Variants in KCNQ5 observed in about 807,000 individuals in gnomAD.
The protein encoded by KCNQ5 is potassium voltage-gated channel subfamily Q member 5.
In KCNQ5, 30 loss-of-function variants were observed where a neutral mutation model predicts 98.2. The observed-to-expected ratio is 0.31, with a 90% CI of 0.23 to 0.41. The LOEUF is 0.41. Among genes scored for constraint, KCNQ5 ranks in the 10% least tolerant of loss-of-function variants. KCNQ5 has a pLI of 1.00. For missense variants in KCNQ5, 835 were observed against 1,182.5 expected (o/e 0.71, Z 4.31); for synonymous variants, 458 against 449.4 (o/e 1.02, Z -0.24).
chr6:73,005,075 A>T (rs924570589), intron 2 of KCNQ5, among the ~76,000 whole-genome samples: 12 of 152,174 alleles, frequency 7.9e-5, no homozygotes, highest in Non-Finnish European at 1.8e-4. Context: ...TTTCTGTGCA[A>T]TATCAGGGAG....
Position 72,772,781 on chromosome 6 carries a change from G to C in KCNQ5, c.398+150194G>C, listed in dbSNP as rs368380167. Among the ~76,000 whole-genome samples the C allele has an allele frequency of 9.9e-5, 15 of 152,210 alleles. No homozygotes were observed. The East Asian group carries it at 2.7e-3, about 27-fold the overall frequency. ...AAATGTCACTGAACTGCAATGTTCA[G>C]AAAAAATAACAGCACCACCCTTTCT... On this transcript the variant is annotated intron_variant, in intron 1 of 13. Coordinates refer to ENST00000370398, the MANE Select transcript of KCNQ5 (RefSeq NM_019842.4).
At position 72,837,910 on chromosome 6, in the gene KCNQ5, A is replaced by G. The variant is rs973402591; in HGVS notation, c.399-165998A>G. On this transcript the variant is annotated intron_variant, in intron 1 of 13. Transcript: ENST00000370398. The stretch of plus-strand genomic sequence containing the variant: ...TCTGGCTAAATAGAAACCTGATAGT[A>G]TATGTTATGGACACCAAGTTATTTT... Among the ~76,000 whole-genome samples, 9 of 152,076 alleles carry G rather than the reference A, an allele frequency of 5.9e-5. 1 individual carries two copies. In the South Asian group the frequency reaches 8.3e-4, roughly 14 times the overall value.
At position 73,195,288 on chromosome 6, in the gene KCNQ5, G is replaced by A; in HGVS notation, c.2673G>A (p.Gln891=). The change falls in exon 14 of 14, where the codon CAG becomes CAA. Residue 891 remains glutamine, a synonymous_variant. Coordinates refer to ENST00000370398, the MANE Select transcript of KCNQ5 (RefSeq NM_019842.4). ...TETDTFDAAP[Q]PAREAAFASD... is the part of the protein sequence containing the mutation. ...CAGACACTTTTGATGCCGCACCGCA[G>A]CCTGCCAGGGAAGCTGCCTTTGCAT... is the stretch of plus-strand genomic sequence containing the variant. The A allele has an allele frequency of 6.2e-7, 1 of 1,614,204 alleles. No individual in the cohort carries two copies. The highest frequency in any genetic ancestry group is 8.5e-7 in the Non-Finnish European group (1 of 1,180,042).
At chr6:72,964,420 C>G (rs892264048) in intron 1 of KCNQ5, among the ~76,000 whole-genome samples, 22 of 152,152 alleles carry the variant, frequency 1.4e-4, no homozygotes, top group Admixed American at 1.3e-4. Flanking sequence ...TGTTGTAATT[C>G]TGTTTATTTG....
At chr6:72,771,087 A>T (rs184132205) in intron 1 of KCNQ5, among the ~76,000 whole-genome samples, 1 of 152,136 alleles carries the variant, frequency 6.6e-6, no homozygotes, top group Non-Finnish European at 1.5e-5. Flanking sequence ...GAAGGAGCAG[A>T]TAAAGGAGTG....
intron 3 of KCNQ5, among the ~76,000 whole-genome samples, chr6:73,068,771 A>G (rs1195721321): frequency 6.6e-6 from 1 of 152,186 alleles, no homozygotes; most frequent in Non-Finnish European, 1.5e-5. Context: ...TTATACTGCT[A>G]CTAATAGTGT....
chr6:73,052,537 C>A lies in KCNQ5; in HGVS notation c.616+10475C>A, dbSNP rs576478112. Among the ~76,000 whole-genome samples the A allele has an allele frequency of 3.3e-5, 5 of 152,288 alleles. 1 individual carries two copies. In the East Asian group the frequency reaches 5.8e-4, roughly 18 times the overall value. On this transcript the variant is annotated intron_variant, in intron 3 of 13. Coordinates refer to ENST00000370398, the MANE Select transcript of KCNQ5 (RefSeq NM_019842.4). ...GAAACCCCATCAGGCTAACAGCACA[C>A]CTTTCAGCAGAAACTCTATAAGCCA...
At chr6:72,941,860 T>C (rs1453299684) in intron 1 of KCNQ5, among the ~76,000 whole-genome samples, 1 of 152,052 alleles carries the variant, frequency 6.6e-6, no homozygotes, top group Non-Finnish European at 1.5e-5. Context: ...TCTTATAGTC[T>C]AATGCGGGGA....
chr6:72,944,583 T>A (rs1766453380), intron 1 of KCNQ5, among the ~76,000 whole-genome samples: 1 of 152,214 alleles, frequency 6.6e-6, no homozygotes, highest in African/African-American at 2.4e-5. Flanking sequence ...GAAATAGTGC[T>A]ATAACCAAAA....
At chr6:73,063,740 T>TAGAC in intron 3 of KCNQ5, among the ~76,000 whole-genome samples, 1 of 143,064 alleles carries the variant, frequency 7.0e-6, no homozygotes, top group Middle Eastern at 3.5e-3. Context: ...GATAGATAGA[T>TAGAC]AGATAGATAG....
rs571517038 is a variant in KCNQ5, at chr6:73,043,202, C to T, written c.616+1140C>T. ...GTTAAGAAGAATCCTTTATTCCATA[C>T]TTCTTTCATAGTATGCACATCTCAA... On this transcript the variant is annotated intron_variant, in intron 3 of 13. Coordinates refer to ENST00000370398, the MANE Select transcript of KCNQ5 (RefSeq NM_019842.4). The T allele has an allele frequency of 6.8e-4, 262 of 386,714 alleles. 5 individuals carry two copies. Among genetic ancestry groups the T allele is most frequent in the South Asian group, 5.2e-3 (245 of 46,922 alleles). 24.0% of individuals were successfully genotyped at this position (386,714 alleles called of 1,614,324 possible).
intron 1 of KCNQ5, among the ~76,000 whole-genome samples, chr6:72,789,894 G>A (rs9446755): frequency 0.031 from 4,662 of 152,212 alleles, 254 homozygotes; most frequent in African/African-American, 0.11. Flanking sequence ...AGGACCTCTT[G>A]GATAGGAGTG....
chr6:72,843,806 G>A (rs1776907055), intron 1 of KCNQ5, among the ~76,000 whole-genome samples: 1 of 152,204 alleles, frequency 6.6e-6, no homozygotes, highest in African/African-American at 2.4e-5. Flanking sequence ...ATCAATGATA[G>A]ACTGGATAAA....
At chr6:73,135,424 C>T (rs976875249) in intron 10 of KCNQ5, 9 of 150,348 alleles carry the variant, frequency 6.0e-5, no homozygotes, top group African/African-American at 9.8e-5. Flanking sequence ...AAAAAAAAGC[C>T]CTCAGTTTAG....
chr6:73,090,536 A>G (rs1028459543), intron 5 of KCNQ5, among the ~76,000 whole-genome samples: 4 of 152,162 alleles, frequency 2.6e-5, no homozygotes, highest in African/African-American at 9.7e-5. Flanking sequence ...GAGTGTTTAT[A>G]GTTTCAGGCT....
chr6:72,684,325 T>C (rs1365647468), intron 1 of KCNQ5, among the ~76,000 whole-genome samples: 1 of 152,202 alleles, frequency 6.6e-6, no homozygotes, highest in Non-Finnish European at 1.5e-5. Context: ...CCTAGCTGCT[T>C]GCCAATTTTA....
chr6:72,954,488 C>A (rs1315108055), intron 1 of KCNQ5, among the ~76,000 whole-genome samples: 1 of 151,864 alleles, frequency 6.6e-6, no homozygotes, highest in Non-Finnish European at 1.5e-5. Flanking sequence ...AAGAAATTAA[C>A]TTACTGTATA....
At chr6:72,786,990 G>A (rs1773783033) in intron 1 of KCNQ5, among the ~76,000 whole-genome samples, 1 of 117,342 alleles carries the variant, frequency 8.5e-6, no homozygotes, top group Non-Finnish European at 1.6e-5. Context: ...GGGCGACACA[G>A]CAAGACTCTG....
rs750915692 is a variant in KCNQ5 at position 72,622,549 on chromosome 6, G to A, written c.360G>A (p.Glu120=). 1 of 1,612,612 alleles carries A rather than the reference G, an allele frequency of 6.2e-7. No homozygotes were observed. Among genetic ancestry groups the A allele is most frequent in the Non-Finnish European group, 8.5e-7 (1 of 1,179,604 alleles). Residue 120 remains glutamate, a synonymous_variant, in exon 1 of 14, where the codon GAG becomes GAA. Transcript: ENST00000370398. The surrounding 1 kb of genome is among the most constrained non-coding windows in gnomAD (Gnocchi z 6.0). ...AGAACTACCTGTACAACGTGCTGGA[G>A]AGACCCCGCGGCTGGGCGTTCATCT... ...RVQNYLYNVL[E]RPRGWAFIYH...
Sources: gnomAD v4.1 joint callset for allele counts (sites outside exome capture counted in the v4.1 genomes callset) on GRCh38, gnomAD v4.1.1 for gene constraint, Gnocchi (gnomAD v3.1) non-coding constraint, MANE v1.5 for transcripts, NCBI Gene and HGNC (gene_info 2026-07-23, HGNC 2026-07-21) for gene names.